Variants in RAD21 observed in about 807,000 individuals in gnomAD.
RAD21 encodes RAD21 cohesin complex component.
In RAD21, 18 loss-of-function variants were observed where a neutral mutation model predicts 71.5. The observed-to-expected ratio is 0.25, with a 90% confidence interval of 0.17 to 0.37. RAD21 has a LOEUF of 0.37. Among genes scored for constraint, RAD21 ranks in the 10% least tolerant of loss-of-function variants. The pLI is 1.00. For missense variants in RAD21, 493 were observed against 769.1 expected (o/e 0.64, Z 4.25); for synonymous variants, 248 against 254.0 (o/e 0.98, Z 0.22).
intron 11 of RAD21, 29 bp from the exon 12 acceptor site, chr8:116,850,796 A>G: frequency 7.0e-7 from 1 of 1,437,640 alleles, no homozygotes; most frequent in South Asian, 1.2e-5. Flanking sequence ...AGACAATTTA[A>G]GATATATGCT....
chr8:116,854,216 T>C (rs775377566), intron 9 of RAD21, 29 bp downstream of exon 9: 1 of 1,509,146 alleles, frequency 6.6e-7, no homozygotes, highest in Non-Finnish European at 9.1e-7. Flanking sequence ...AAAATGTATA[T>C]GAAGTAAAAA....
rs1372046775 is a variant in RAD21, at chr8:116,874,765, A to G, written c.-187T>C. The G allele has an allele frequency of 4.4e-6, 2 of 456,328 alleles. No individual in the cohort carries two copies. The highest frequency in any genetic ancestry group is 2.4e-5 in the Admixed American group (1 of 42,530). The allele number at this position is 456,328 out of a possible 1,614,324, so 28.3% of individuals were successfully genotyped here. ...CGGCGCCTCCTTTCCGATTCACTCA[A>G]ACAAACAAGATGGCTGCCGTTACGC... On this transcript the variant is annotated 5_prime_UTR_variant, in exon 1 of 14. Transcript: ENST00000297338.
intron 5 of RAD21, among the ~76,000 whole-genome samples, chr8:116,857,886 T>G (rs552143899): frequency 6.6e-6 from 1 of 152,256 alleles, no homozygotes; most frequent in African/African-American, 2.4e-5. Flanking sequence ...AGTGGGAGGA[T>G]CACTTGAATC....
At chr8:116,865,866 A>G (rs16889034) in intron 2 of RAD21, among the ~76,000 whole-genome samples, 2,707 of 152,188 alleles carry the variant, frequency 0.018, 83 homozygotes, top group African/African-American at 0.061. Flanking sequence ...CCTTCCTCAC[A>G]CACAGATAAT....
intron 10 of RAD21, 185 bp from the exon 11 acceptor site, chr8:116,852,281 G>C: frequency 1.5e-6 from 1 of 666,292 alleles, no homozygotes; most frequent in Middle Eastern, 4.3e-4. Flanking sequence ...AAGGGGAAAG[G>C]GGATCTTAAA....
chr8:116,846,400 G>A lies in RAD21; in HGVS notation c.*1100C>T, dbSNP rs1290892767. The A allele has an allele frequency of 4.4e-6, 1 of 228,682 alleles. No individual in the cohort carries two copies. Among genetic ancestry groups the A allele is most frequent in the African/African-American group, 2.2e-5 (1 of 45,064 alleles). 14.2% of individuals were successfully genotyped at this position (228,682 alleles called of 1,614,324 possible). A position where few individuals can be genotyped will look rare whatever the true frequency, so the allele number is the denominator to read the frequency against. ...TAATCATAACAGTCACATGATTTCT[G>A]ATGCTATCTGGTCTGTTAATAATAA... On this transcript the variant is annotated 3_prime_UTR_variant, in exon 14 of 14. Transcript: ENST00000297338.
At chr8:116,851,873 G>A (rs757992541) in intron 11 of RAD21, 75 bp downstream of exon 11, 14 of 1,445,748 alleles carry the variant, frequency 9.7e-6, no homozygotes, top group Non-Finnish European at 1.3e-5. Flanking sequence ...ACTTTAAAAG[G>A]CCTCCCTAAA....
intron 12 of RAD21, among the ~76,000 whole-genome samples, chr8:116,850,407 C>T (rs1360993763): frequency 6.6e-6 from 1 of 152,146 alleles, no homozygotes; most frequent in African/African-American, 2.4e-5. Flanking sequence ...TTCAAAACCC[C>T]ACAAGAGAGC....
chr8:116,858,464 AAAG>A lies in RAD21; in HGVS notation c.375-9_375-7del, dbSNP rs781243644. ...GCTGGGCCACATCGATGTCACTTTA[AAAG>A]AAGGTCAAATACATTTTAGTTTCAA... is the stretch of plus-strand genomic sequence containing the variant. On this transcript the variant is annotated splice_region_variant and splice_polypyrimidine_tract_variant and intron_variant, in intron 4 of 13. Coordinates refer to ENST00000297338, the MANE Select transcript of RAD21 (RefSeq NM_006265.3). The A allele has an allele frequency of 3.6e-5, 57 of 1,603,130 alleles. No individual in the cohort carries two copies. The African/African-American group carries it at 7.1e-4, about 20-fold the overall frequency.
chr8:116,846,727 A>G lies in RAD21; in HGVS notation c.*773T>C. 1 of 220,392 alleles carries G rather than the reference A, an allele frequency of 4.5e-6. No homozygotes were observed. Among genetic ancestry groups the G allele is most frequent in the African/African-American group, 2.2e-5 (1 of 44,724 alleles). The allele number at this position is 220,392 out of a possible 1,614,324, so 13.7% of individuals were successfully genotyped here. A position where few individuals can be genotyped will look rare whatever the true frequency, so the allele number is the denominator to read the frequency against. ...ACATCTTTTTAAAACTTTGATTTATAGCTCCTAGAAAGTTATGTTTTTTAA... is the reference window on the plus strand; with the variant it reads ...ACATCTTTTTAAAACTTTGATTTATGGCTCCTAGAAAGTTATGTTTTTTAA... On this transcript the variant is annotated 3_prime_UTR_variant, in exon 14 of 14. Transcript: ENST00000297338.
chr8:116,851,393 T>C (rs533053188), intron 11 of RAD21: 1 of 152,410 alleles, frequency 6.6e-6, no homozygotes, highest in East Asian at 1.9e-4. Context: ...TGATGGAGGC[T>C]GAACAAGAAG....
chr8:116,872,533 T>C (rs374501642), intron 1 of RAD21, among the ~76,000 whole-genome samples: 5 of 128,284 alleles, frequency 3.9e-5, no homozygotes, highest in Non-Finnish European at 8.3e-5. Context: ...GATATATATA[T>C]ATACATACAC....
intron 12 of RAD21, among the ~76,000 whole-genome samples, chr8:116,850,376 T>C (rs1037823677): frequency 1.3e-5 from 2 of 152,168 alleles, no homozygotes; most frequent in Non-Finnish European, 2.9e-5. Flanking sequence ...AAGAAATCAG[T>C]GTAAGGACAA....
chr8:116,851,856 CCAAG>C, intron 11 of RAD21, 88 bp downstream of exon 11: 1 of 1,385,586 alleles, frequency 7.2e-7, no homozygotes, highest in East Asian at 2.3e-5. Flanking sequence ...TCTGTCAAAA[CCAAG>C]ATACTTTAAA....
intron 9 of RAD21, 32 bp downstream of exon 9, chr8:116,854,213 A>C (rs780794833): frequency 1.3e-6 from 2 of 1,489,688 alleles, no homozygotes; most frequent in East Asian, 4.5e-5. Flanking sequence ...CTCAAAATGT[A>C]TATGAAGTAA....
intron 1 of RAD21, among the ~76,000 whole-genome samples, chr8:116,868,666 A>C (rs1360323474): frequency 6.6e-6 from 1 of 152,204 alleles, no homozygotes; most frequent in African/African-American, 2.4e-5. Context: ...AACTATTTTG[A>C]AAAATAGTGA....
intron 10 of RAD21, 177 bp downstream of exon 10, chr8:116,852,372 C>A: frequency 1.3e-6 from 1 of 744,946 alleles, no homozygotes; most frequent in Non-Finnish European, 2.1e-6. Flanking sequence ...CCTTAAAACT[C>A]TGGAAAGACA....
At chr8:116,862,587 T>A (rs1032353068) in intron 3 of RAD21, among the ~76,000 whole-genome samples, 20 of 152,066 alleles carry the variant, frequency 1.3e-4, no homozygotes, top group Admixed American at 1.1e-3. Context: ...TTATTTTAAT[T>A]AGAATAAAAA....
At chr8:116,856,057 C>A in intron 8 of RAD21, 109 bp downstream of exon 8, 2 of 1,313,338 alleles carry the variant, frequency 1.5e-6, no homozygotes, top group Non-Finnish European at 2.0e-6. Context: ...CAGAAAAAAG[C>A]AAGAAGCCTA....
Sources: allele counts gnomAD v4.1 joint callset (sites outside exome capture counted in the v4.1 genomes callset), GRCh38; gene constraint gnomAD v4.1.1; transcripts MANE v1.5; gene names NCBI Gene and HGNC (gene_info 2026-07-23, HGNC 2026-07-21).